DTWD1: variants seen among roughly 807,000 people sequenced by gnomAD.
DTWD1 encodes the protein DTW motif tRNA-uridine aminocarboxypropyltransferase 1.
In DTWD1, 27 loss-of-function variants were observed where a neutral mutation model predicts 30.2. That is an observed-to-expected ratio of 0.90 (90% confidence interval 0.66 to 1.23). The LOEUF is 1.23. DTWD1 is among the 50% of genes most tolerant of loss of function. The pLI is 0.00. For missense variants in DTWD1, 342 were observed against 348.8 expected (o/e 0.98, Z 0.15); for synonymous variants, 99 against 113.1 (o/e 0.88, Z 0.79).
intron 4 of DTWD1, among the ~76,000 whole-genome samples, chr15:49,641,613 G>A (rs1403827699): frequency 6.6e-6 from 1 of 151,846 alleles, no homozygotes; most frequent in African/African-American, 2.4e-5. Flanking sequence ...CTTTAATTTG[G>A]TCTCTTGTTG....
At chr15:49,639,179 A>G (rs1394303825) in intron 4 of DTWD1, among the ~76,000 whole-genome samples, 1 of 152,154 alleles carries the variant, frequency 6.6e-6, no homozygotes, top group Admixed American at 6.6e-5. Context: ...TGTCACCCTC[A>G]CTTTGCAATT....
In DTWD1 at chr15:49,626,107, A is replaced by G. The variant is rs143058225; in HGVS notation, c.264+676A>G. Reference sequence around the variant, plus strand: ...TTTTAATGAAACCAATTAATTTTTCATTAATGATTTTAATTTATTTACAAC... The same window carrying G: ...TTTTAATGAAACCAATTAATTTTTCGTTAATGATTTTAATTTATTTACAAC... On this transcript the variant is annotated intron_variant, in intron 2 of 4. Transcript: ENST00000403028. Among the ~76,000 whole-genome samples, 686 of 152,224 alleles carry G rather than the reference A, an allele frequency of 4.5e-3. 7 individuals are homozygous for G. The highest frequency in any genetic ancestry group is 5.7e-3 in the Non-Finnish European group (387 of 68,018).
chr15:49,630,076 A>G (rs1388775092), intron 2 of DTWD1: 1 of 152,198 alleles, frequency 6.6e-6, no homozygotes, highest in African/African-American at 2.4e-5. Context: ...ATTCTTAGCT[A>G]AAGTCAAATG....
chr15:49,626,001 A>G (rs2078839137), intron 2 of DTWD1, among the ~76,000 whole-genome samples: 1 of 152,082 alleles, frequency 6.6e-6, no homozygotes, highest in African/African-American at 2.4e-5. Flanking sequence ...TAGCATGAAA[A>G]CCAAGTGTAT....
At chr15:49,625,482 A>T (rs1598640510) in intron 2 of DTWD1, 51 bp downstream of exon 2, 6 of 1,489,202 alleles carry the variant, frequency 4.0e-6, no homozygotes, top group African/African-American at 1.4e-5. Context: ...TTTTTTAAAA[A>T]CATCTCATGT....
At chr15:49,643,285 A>ATATT in intron 4 of DTWD1, 46 bp from the exon 5 acceptor site, 1 of 1,439,954 alleles carries the variant, frequency 6.9e-7, no homozygotes, top group Middle Eastern at 2.6e-4. Flanking sequence ...AGAAATATTT[A>ATATT]TATTTTTTCT....
chr15:49,644,669 A>G lies in DTWD1; in HGVS notation c.*1091A>G, dbSNP rs1192804051. On this transcript the variant is annotated 3_prime_UTR_variant, in exon 5 of 5. Coordinates refer to ENST00000403028, the MANE Select transcript of DTWD1 (RefSeq NM_001144955.2). Reference sequence around the variant, plus strand: ...CATCATCAGTTGGCTGTGTTCCTCTACTAAATAGTACCTTATCAGGAATCC... The same window carrying G: ...CATCATCAGTTGGCTGTGTTCCTCTGCTAAATAGTACCTTATCAGGAATCC... 1.3e-5 allele frequency: 2 copies of G among 152,136 alleles called. No homozygotes were observed. The highest frequency in any genetic ancestry group is 2.9e-5 in the Non-Finnish European group (2 of 68,034). The allele number at this position is 152,136 out of a possible 1,614,324, so 9.4% of individuals were successfully genotyped here.
intron 2 of DTWD1, among the ~76,000 whole-genome samples, chr15:49,626,243 A>G (rs1174034441): frequency 1.3e-5 from 2 of 152,132 alleles, no homozygotes; most frequent in Non-Finnish European, 2.9e-5. Context: ...AGAAAATACT[A>G]TTCTAGTAGA....
At chr15:49,622,648 A>T (rs1279990528) in intron 1 of DTWD1, among the ~76,000 whole-genome samples, 1 of 152,186 alleles carries the variant, frequency 6.6e-6, no homozygotes, top group African/African-American at 2.4e-5. Flanking sequence ...TGTTTTAAAA[A>T]TTTTAAATAA....
intron 4 of DTWD1, among the ~76,000 whole-genome samples, chr15:49,640,698 A>ATTGT (rs10672996): frequency 1 from 152,121 of 152,140 alleles, 76,051 homozygotes; most frequent in Middle Eastern, 1. Context: ...TGATAATTAC[A>ATTGT]TTGTTTATTT....
intron 4 of DTWD1, among the ~76,000 whole-genome samples, chr15:49,637,399 A>G (rs2153353443): frequency 6.6e-6 from 1 of 152,216 alleles, no homozygotes; most frequent in East Asian, 1.9e-4. Context: ...CAGACCTGGA[A>G]TCAATTGTTT....
At chr15:49,625,032 A>T in intron 1 of DTWD1, 81 bp from the exon 2 acceptor site, 2 of 884,298 alleles carry the variant, frequency 2.3e-6, no homozygotes, top group Non-Finnish European at 3.4e-6. Flanking sequence ...ATTGTGACTT[A>T]AATTGAGTAA....
chr15:49,635,879 A>G (rs1390109022), intron 4 of DTWD1, among the ~76,000 whole-genome samples: 4 of 152,164 alleles, frequency 2.6e-5, no homozygotes, highest in Admixed American at 1.3e-4. Context: ...AAGTTTTCTC[A>G]TATGTGTACA....
intron 1 of DTWD1, among the ~76,000 whole-genome samples, chr15:49,622,913 G>C (rs1284973432): frequency 1.3e-5 from 2 of 152,128 alleles, no homozygotes; most frequent in African/African-American, 4.8e-5. Context: ...TTTTTCTAGA[G>C]GAAGGTTATT....
Position 49,655,091 on chromosome 15 carries a change from T to C in DTWD1, c.*11513T>C, listed in dbSNP as rs931009439. 6.6e-6 allele frequency: 1 copy of C among 152,078 alleles called. No homozygotes were observed. The highest frequency in any genetic ancestry group is 1.5e-5 in the Non-Finnish European group (1 of 68,004). 9.4% of individuals were successfully genotyped at this position (152,078 alleles called of 1,614,324 possible). ...AGTCCTCACCTCCAAATCTAGCACA[T>C]TGAGGTTTAGGGCTTCAACATATGA... On this transcript the variant is annotated 3_prime_UTR_variant, in exon 5 of 5. Coordinates refer to ENST00000403028, the MANE Select transcript of DTWD1 (RefSeq NM_001144955.2).
At position 49,648,337 on chromosome 15, in the gene DTWD1, T is replaced by C. The variant is rs1486776877; in HGVS notation, c.*4759T>C. ...CATTTTTGAGACAGAGTCTCACTCT[T>C]GTCTCCCAGGCTGCAGTGCAGTGGT... On this transcript the variant is annotated 3_prime_UTR_variant, in exon 5 of 5. Coordinates refer to ENST00000403028, the MANE Select transcript of DTWD1 (RefSeq NM_001144955.2). 1.3e-5 allele frequency: 2 copies of C among 152,208 alleles called. No homozygotes were observed. Among genetic ancestry groups the C allele is most frequent in the African/African-American group, 4.8e-5 (2 of 41,440 alleles). 9.4% of individuals were successfully genotyped at this position (152,208 alleles called of 1,614,324 possible).
In DTWD1 at chr15:49,643,449, T is replaced by C. The variant is rs1450278446; in HGVS notation, c.786T>C (p.His262=). ...TTTACTACTTTCTGGTAGACTACCATACTGATATATTAAAAGAGAAATACA... is the reference window on the plus strand; with the variant it reads ...TTTACTACTTTCTGGTAGACTACCACACTGATATATTAAAAGAGAAATACA... ...EAIYYFLVDY[H]TDILKEKYRG... Residue 262 remains histidine (H), a synonymous_variant, in exon 5 of 5, where the codon CAT becomes CAC. Coordinates refer to ENST00000403028, the MANE Select transcript of DTWD1 (RefSeq NM_001144955.2). 3.7e-6 allele frequency: 6 copies of C among 1,608,904 alleles called. No homozygotes were observed. The highest frequency in any genetic ancestry group is 2.2e-5 in the East Asian group (1 of 44,650).
chr15:49,625,297 C>A lies in DTWD1; in HGVS notation c.130C>A (p.Gln44Lys), dbSNP rs2078826720. Residue 44 changes from glutamine to lysine, a missense_variant, in exon 2 of 5, where the codon CAA becomes AAA. Coordinates refer to ENST00000403028, the MANE Select transcript of DTWD1 (RefSeq NM_001144955.2). ...CCTTCAAAACTTATGTTTAGCATCT[C>A]AAGAAGTTCTTCAAAAAGCTCAGCA... The part of the protein sequence containing the change: ...DPLQNLCLAS[Q>K]EVLQKAQQSG... 2 of 1,613,466 alleles carry A rather than the reference C, an allele frequency of 1.2e-6. No homozygotes were observed. The highest frequency in any genetic ancestry group is 2.7e-5 in the African/African-American group (2 of 74,906).
At position 49,649,140 on chromosome 15, in the gene DTWD1, G is replaced by T. The variant is rs1431829979; in HGVS notation, c.*5562G>T. ...ACACTGTGGATAGAAAATACTAAAA[G>T]ATTTCAAACAGAAGAAATAGGTCGT... On this transcript the variant is annotated 3_prime_UTR_variant, in exon 5 of 5. Coordinates refer to ENST00000403028, the MANE Select transcript of DTWD1 (RefSeq NM_001144955.2). 1 of 152,106 alleles carries T rather than the reference G, an allele frequency of 6.6e-6. No individual in the cohort carries two copies. Among genetic ancestry groups the T allele is most frequent in the East Asian group, 1.9e-4 (1 of 5,188 alleles). 9.4% of individuals were successfully genotyped at this position (152,106 alleles called of 1,614,324 possible).
Sources: allele counts gnomAD v4.1 joint callset (sites outside exome capture counted in the v4.1 genomes callset), GRCh38; gene constraint gnomAD v4.1.1; transcripts MANE v1.5; gene names NCBI Gene and HGNC (gene_info 2026-07-23, HGNC 2026-07-21).